The following GPC3 variants were observed in gnomAD, a reference collection of about 807,000 sequenced individuals.
The protein encoded by GPC3 is glypican-3.
In GPC3, 3 loss-of-function variants were observed where a neutral mutation model predicts 34.4. The ratio of observed to expected loss-of-function variants is 0.09; its 90% CI spans 0.04 to 0.23. The LOEUF (loss-of-function observed/expected upper bound fraction) is 0.23, where lower values mean the gene tolerates loss of function less well. Ranked by LOEUF, GPC3 falls within the 10% of genes least tolerant of loss-of-function variation. The pLI is 1.00. For synonymous variants in GPC3, 177 were observed against 174.0 expected (o/e 1.02, Z -0.13); for missense variants, 351 against 445.6 (o/e 0.79, Z 1.91).
chrX:133,737,476 G>A (rs1445973622), intron 3 of GPC3, among the ~76,000 whole-genome samples: 1 of 111,825 alleles, frequency 8.9e-6, no homozygotes, highest in African/African-American at 3.3e-5. Context: ...ATAAACAAAC[G>A]CTCTGTAATT....
chrX:133,704,271 T>C, intron 3 of GPC3: 1 of 1,074,164 alleles, frequency 9.3e-7, no homozygotes, highest in Non-Finnish European at 1.2e-6. Flanking sequence ...TCTTCTCAGT[T>C]TCCTTGAAAA....
At chrX:133,635,300 G>A (rs995040155) in intron 6 of GPC3, among the ~76,000 whole-genome samples, 1 of 111,302 alleles carries the variant, frequency 9.0e-6, no homozygotes, top group Non-Finnish European at 1.9e-5. Flanking sequence ...GGACCAGAAG[G>A]AGAGCACTTA....
At chrX:133,547,226 G>A (rs2124271316) in intron 7 of GPC3, among the ~76,000 whole-genome samples, 1 of 111,048 alleles carries the variant, frequency 9.0e-6, no homozygotes, top group South Asian at 3.8e-4. Context: ...CCACTGAACT[G>A]CACACTCAAA....
chrX:133,782,071 G>A (rs1352945812), intron 2 of GPC3, among the ~76,000 whole-genome samples: 1 of 111,319 alleles, frequency 9.0e-6, no homozygotes, highest in Non-Finnish European at 1.9e-5. Flanking sequence ...TCCCAAACTA[G>A]CAATTGCTCT....
intron 7 of GPC3, among the ~76,000 whole-genome samples, chrX:133,571,419 G>C (rs1434363931): frequency 2.7e-5 from 3 of 110,533 alleles, no homozygotes; most frequent in Admixed American, 1.9e-4. Context: ...CTGGAGTGCA[G>C]TGGCGCGATC....
At chrX:133,689,086 T>C (rs996239497) in intron 5 of GPC3, among the ~76,000 whole-genome samples, 2 of 111,130 alleles carry the variant, frequency 1.8e-5, no homozygotes, top group Non-Finnish European at 3.8e-5. Context: ...TCTGAAAATA[T>C]GTTTATTTTC....
intron 2 of GPC3, among the ~76,000 whole-genome samples, chrX:133,791,869 CTT>C (rs2072167478): frequency 1.0e-5 from 1 of 97,637 alleles, no homozygotes; most frequent in African/African-American, 3.9e-5. Flanking sequence ...CCCTCTCTCT[CTT>C]TCTTTTCTTT....
At chrX:133,904,548 TA>T (rs1200225202) in intron 2 of GPC3, among the ~76,000 whole-genome samples, 1 of 111,711 alleles carries the variant, frequency 9.0e-6, no homozygotes, top group African/African-American at 3.3e-5. Flanking sequence ...AGTCTTTAGC[TA>T]CCCAGAGAGA....
intron 2 of GPC3, among the ~76,000 whole-genome samples, chrX:133,766,452 A>G (rs2071846327): frequency 8.9e-6 from 1 of 112,222 alleles, no homozygotes; most frequent in African/African-American, 3.2e-5. Flanking sequence ...TATAGTTATA[A>G]AAGTATTAAT....
intron 6 of GPC3, among the ~76,000 whole-genome samples, chrX:133,650,728 C>T (rs1173625698): frequency 2.7e-5 from 3 of 110,902 alleles, no homozygotes; most frequent in African/African-American, 9.8e-5. Flanking sequence ...TAAAAGGTCA[C>T]TCTTGACTTG....
chrX:133,717,733 C>T (rs188769576), intron 3 of GPC3, among the ~76,000 whole-genome samples: 3 of 110,803 alleles, frequency 2.7e-5, no homozygotes, highest in Admixed American at 9.6e-5. Flanking sequence ...TTCTTTAACT[C>T]GGTGTCTGAG....
At chrX:133,739,998 C>T (rs1945212039) in intron 3 of GPC3, among the ~76,000 whole-genome samples, 1 of 112,320 alleles carries the variant, frequency 8.9e-6, no homozygotes, top group African/African-American at 3.2e-5. Context: ...CAAGCCGATC[C>T]ATTCCTGTGC....
intron 2 of GPC3, among the ~76,000 whole-genome samples, chrX:133,842,634 A>G (rs2075830961): frequency 9.0e-6 from 1 of 110,738 alleles, no homozygotes; most frequent in African/African-American, 3.3e-5. Context: ...GGAGGAAAGA[A>G]GAGAACCAGG....
At chrX:133,669,946 C>T (rs2070810856) in intron 5 of GPC3, among the ~76,000 whole-genome samples, 1 of 111,002 alleles carries the variant, frequency 9.0e-6, no homozygotes, top group Non-Finnish European at 1.9e-5. Context: ...TGCTTCTGTT[C>T]AGGCAGATTG....
intron 1 of GPC3, among the ~76,000 whole-genome samples, chrX:133,968,761 A>G (rs1186017752): frequency 9.8e-6 from 1 of 102,345 alleles, no homozygotes; most frequent in Non-Finnish European, 2.0e-5. Context: ...TTCCCACCTC[A>G]CTGCACCAGA....
chrX:133,828,774 G>T (rs1364206587), intron 2 of GPC3, among the ~76,000 whole-genome samples: 1 of 110,408 alleles, frequency 9.1e-6, no homozygotes, highest in Non-Finnish European at 1.9e-5. Context: ...GCACAGCATG[G>T]TGTCTACAGT....
chrX:133,621,838 C>A (rs1222150991), intron 6 of GPC3, among the ~76,000 whole-genome samples: 1 of 112,343 alleles, frequency 8.9e-6, no homozygotes, highest in Non-Finnish European at 1.9e-5. Flanking sequence ...GATCTGAGAA[C>A]AGACAGACTG....
At chrX:133,932,362 C>T (rs1271625674) in intron 2 of GPC3, among the ~76,000 whole-genome samples, 1 of 111,923 alleles carries the variant, frequency 8.9e-6, no homozygotes, top group African/African-American at 3.2e-5. Flanking sequence ...CTGCAGGCCC[C>T]AAACTAGTCC....
At chrX:133,774,307 G>A (rs1378694816) in intron 2 of GPC3, among the ~76,000 whole-genome samples, 1 of 111,583 alleles carries the variant, frequency 9.0e-6, no homozygotes, top group African/African-American at 3.3e-5. Flanking sequence ...CAGATTGATT[G>A]AACCCACACT....
Sources: gnomAD v4.1 joint callset for allele counts (sites outside exome capture counted in the v4.1 genomes callset) on GRCh38, gnomAD v4.1.1 for gene constraint, MANE v1.5 for transcripts, NCBI Gene and HGNC (gene_info 2026-07-23, HGNC 2026-07-21) for gene names.